CLPX: variants seen among roughly 807,000 people sequenced by gnomAD.
The protein encoded by CLPX is ATP-dependent clpX-like chaperone, mitochondrial.
CLPX carries 34 observed loss-of-function variants against 76.4 expected under a neutral mutation model. That is an observed-to-expected ratio of 0.45 (90% CI 0.34 to 0.59). The LOEUF is 0.59. Ranked by LOEUF, CLPX falls within the 20% of genes least tolerant of loss-of-function variation. The pLI is 0.01. For missense variants in CLPX, 613 were observed against 757.0 expected, an observed-to-expected ratio of 0.81 and a Z score of 2.23; for synonymous variants, 248 against 270.9, an observed-to-expected ratio of 0.92 and a Z score of 0.83.
chr15:65,180,549 CTTA>C (rs772322200), intron 1 of CLPX, among the ~76,000 whole-genome samples: 1 of 137,480 alleles, frequency 7.3e-6, no homozygotes, highest in East Asian at 2.1e-4. Context: ...GCCCTATATT[CTTA>C]TTATTTCTAC....
At chr15:65,160,343 ATAAT>A (rs1200282405) in intron 6 of CLPX, among the ~76,000 whole-genome samples, 1 of 152,204 alleles carries the variant, frequency 6.6e-6, no homozygotes, top group East Asian at 1.9e-4. Flanking sequence ...TTGAGGGTTA[ATAAT>A]TAGTGAATAA....
chr15:65,180,058 C>A lies in CLPX; in HGVS notation c.226G>T (p.Gly76Ter). 1 of 1,604,462 alleles carries A rather than the reference C, an allele frequency of 6.2e-7. No homozygotes were observed. Among genetic ancestry groups the A allele is most frequent in the Non-Finnish European group, 8.5e-7 (1 of 1,175,086 alleles). ...SKDGISKDGS[G>*]DGNKKSASEG... is the part of the protein sequence containing the mutation. ...AAAATAATTACCTTATTTCCATCTC[C>A]AGAACCATCTTTACTTATCCCATCT... The change falls in exon 2 of 14, where the codon GGA becomes TGA. Residue 76 changes from glycine (G) to a stop codon, truncating the protein, a stop_gained. Coordinates refer to ENST00000300107, the MANE Select transcript of CLPX (RefSeq NM_006660.5). LOFTEE classifies it high-confidence loss of function.
chr15:65,182,020 T>G (rs2088181017), intron 1 of CLPX, among the ~76,000 whole-genome samples: 1 of 147,848 alleles, frequency 6.8e-6, no homozygotes, highest in Non-Finnish European at 1.5e-5. Context: ...CTACCCGGGA[T>G]GCTGAGGCAG....
intron 3 of CLPX, among the ~76,000 whole-genome samples, chr15:65,177,916 C>A (rs1052985261): frequency 2.6e-5 from 4 of 152,146 alleles, no homozygotes; most frequent in Non-Finnish European, 5.9e-5. Context: ...CCTACCTCAG[C>A]CCCTAAGTAG....
At chr15:65,183,516 T>A (rs1456115616) in intron 1 of CLPX, among the ~76,000 whole-genome samples, 21 of 92,350 alleles carry the variant, frequency 2.3e-4, no homozygotes, top group Middle Eastern at 6.8e-3. Context: ...AGACAGATAG[T>A]AGATGGAAAG....
At chr15:65,184,942 G>A (rs1218976360) in intron 1 of CLPX, 133 bp downstream of exon 1, 2 of 748,200 alleles carry the variant, frequency 2.7e-6, no homozygotes, top group African/African-American at 3.5e-5. Flanking sequence ...GTGGGTGCCG[G>A]GCGAAGCGCC....
Position 65,149,549 on chromosome 15 carries a change from A to G in CLPX, c.*1274T>C. On this transcript the variant is annotated 3_prime_UTR_variant, in exon 14 of 14. Coordinates refer to ENST00000300107, the MANE Select transcript of CLPX (RefSeq NM_006660.5). ...ACTTCAATTCCATGTACTCACCCAT[A>G]GTACTAAAATGGATTAAAGATGGTA... 4.4e-6 allele frequency: 2 copies of G among 451,612 alleles called. No individual in the cohort carries two copies. Among genetic ancestry groups the G allele is most frequent in the Non-Finnish European group, 8.9e-6 (2 of 225,444 alleles). The allele number at this position is 451,612 out of a possible 1,614,324, so 28.0% of individuals were successfully genotyped here.
At chr15:65,174,973 G>A (rs767043570) in intron 3 of CLPX, among the ~76,000 whole-genome samples, 3 of 151,996 alleles carry the variant, frequency 2.0e-5, no homozygotes, top group Non-Finnish European at 4.4e-5. Context: ...AAAATCACAC[G>A]TTCAATGAAG....
At chr15:65,166,891 T>G in intron 3 of CLPX, 106 bp from the exon 4 acceptor site, 1 of 1,099,718 alleles carries the variant, frequency 9.1e-7, no homozygotes, top group East Asian at 2.5e-5. Context: ...TGACAAAAAG[T>G]AGACTTGCTG....
rs1414804241 is a variant in CLPX, at chr15:65,184,979, C to T, written c.79+96G>A. 9.8e-6 allele frequency: 10 copies of T among 1,016,078 alleles called. No individual in the cohort carries two copies. The East Asian group carries it at 2.4e-4, about 24-fold the overall frequency. 62.9% of individuals were successfully genotyped at this position (1,016,078 alleles called of 1,614,324 possible). ...CGCATTCCCTCACACTCCCCGGGTGCAGCAGGCCTCGTGCCCTCCCCGGGG... is the reference window on the plus strand; with the variant it reads ...CGCATTCCCTCACACTCCCCGGGTGTAGCAGGCCTCGTGCCCTCCCCGGGG... On this transcript the variant is annotated intron_variant, in intron 1 of 13. Transcript: ENST00000300107.
chr15:65,154,724 T>C (rs2087765022), intron 11 of CLPX, 58 bp downstream of exon 11: 2 of 1,362,174 alleles, frequency 1.5e-6, no homozygotes, highest in East Asian at 2.4e-5. Context: ...TTAATTTATG[T>C]AGAATTTCAA....
intron 1 of CLPX, 114 bp from the exon 2 acceptor site, chr15:65,180,318 G>A: frequency 2.8e-6 from 2 of 707,392 alleles, no homozygotes; most frequent in Non-Finnish European, 4.3e-6. Flanking sequence ...TTTCACAGTA[G>A]TATAAACTGA....
chr15:65,155,653 T>C, intron 10 of CLPX, 39 bp downstream of exon 10: 1 of 1,531,418 alleles, frequency 6.5e-7, no homozygotes, highest in Non-Finnish European at 9.0e-7. Context: ...ATCCTTTAAA[T>C]GCTCTCTATC....
intron 3 of CLPX, among the ~76,000 whole-genome samples, chr15:65,177,518 G>GT (rs1309682730): frequency 1.3e-5 from 2 of 152,104 alleles, no homozygotes; most frequent in African/African-American, 4.8e-5. Context: ...ATGGTTAATG[G>GT]TAAGTGTGAA....
chr15:65,173,819 T>C (rs1218129428), intron 3 of CLPX, among the ~76,000 whole-genome samples: 3 of 152,120 alleles, frequency 2.0e-5, no homozygotes, highest in Admixed American at 6.5e-5. Context: ...ATACCCAGAA[T>C]AGACAAACCC....
At chr15:65,151,468 A>G (rs1285821353) in intron 13 of CLPX, among the ~76,000 whole-genome samples, 1 of 134,748 alleles carries the variant, frequency 7.4e-6, no homozygotes, top group African/African-American at 2.5e-5. Context: ...AAAAAAAAAA[A>G]AAAAAAAAAA....
intron 1 of CLPX, among the ~76,000 whole-genome samples, chr15:65,181,982 G>C (rs918532792): frequency 2.0e-5 from 3 of 151,362 alleles, no homozygotes; most frequent in African/African-American, 7.3e-5. Flanking sequence ...AATTAGCTGG[G>C]CATGGTGACA....
rs191032046 is a variant in CLPX at position 65,164,587 on chromosome 15, T to C, written c.514-399A>G. On this transcript the variant is annotated intron_variant, in intron 4 of 13. Coordinates refer to ENST00000300107, the MANE Select transcript of CLPX (RefSeq NM_006660.5). ...AATCCATACCTGTCAATCAAATGAA[T>C]AACATTCTTCACAAAGATAACATTA... Among the ~76,000 whole-genome samples the C allele has an allele frequency of 1.9e-3, 296 of 152,286 alleles. 1 individual carries two copies. The highest frequency in any genetic ancestry group is 3.4e-3 in the Middle Eastern group (1 of 294).
In CLPX at chr15:65,150,031, G is replaced by A. The variant is rs2087700535; in HGVS notation, c.*792C>T. 1 of 152,182 alleles carries A rather than the reference G, an allele frequency of 6.6e-6. No individual in the cohort carries two copies. The highest frequency in any genetic ancestry group is 2.1e-4 in the South Asian group (1 of 4,836). The allele number at this position is 152,182 out of a possible 1,614,324, so 9.4% of individuals were successfully genotyped here. The stretch of plus-strand genomic sequence containing the variant: ...TCTTCAGGGTATTTTTCAATGAAAT[G>A]TTTAACTACTTGAAAACTACCTGGT... On this transcript the variant is annotated 3_prime_UTR_variant, in exon 14 of 14. Transcript: ENST00000300107.
Sources: allele counts gnomAD v4.1 joint callset (sites outside exome capture counted in the v4.1 genomes callset), GRCh38; gene constraint gnomAD v4.1.1; transcripts MANE v1.5; gene names NCBI Gene and HGNC (gene_info 2026-07-23, HGNC 2026-07-21).